Variants in IQCJ observed in about 807,000 individuals in gnomAD.
IQCJ encodes the protein IQ motif containing J.
IQCJ carries 9 observed loss-of-function variants against 11.0 expected under a neutral mutation model. The observed-to-expected ratio is 0.82, with a 90% CI of 0.49 to 1.43. The LOEUF (loss-of-function observed/expected upper bound fraction) is 1.43, where lower values mean the gene tolerates loss of function less well. Ranked by LOEUF, IQCJ falls within the 40% of genes most tolerant of loss-of-function variation. The pLI is 0.00. For missense variants in IQCJ, 146 were observed against 133.2 expected (o/e 1.10, Z -0.47); for synonymous variants, 55 against 51.3 (o/e 1.07, Z -0.31).
chr3:159,118,006 AT>A (rs1233079412), intron 1 of IQCJ, among the ~76,000 whole-genome samples: 1 of 152,236 alleles, frequency 6.6e-6, no homozygotes, highest in Admixed American at 6.5e-5. Context: ...AGTTTAAAAA[AT>A]AATTCCATAA....
chr3:159,142,190 G>A (rs1720641412), intron 1 of IQCJ, among the ~76,000 whole-genome samples: 1 of 152,134 alleles, frequency 6.6e-6, no homozygotes, highest in Non-Finnish European at 1.5e-5. Flanking sequence ...TTTTTAGTCT[G>A]CAGTCACAGT....
intron 1 of IQCJ, among the ~76,000 whole-genome samples, chr3:159,200,030 CTATA>C (rs368929112): frequency 2.5e-5 from 3 of 119,806 alleles, no homozygotes; most frequent in Non-Finnish European, 5.1e-5. Flanking sequence ...GAGTAAACGA[CTATA>C]TATATATATA....
At chr3:159,149,340 G>T (rs940526839) in intron 1 of IQCJ, among the ~76,000 whole-genome samples, 1 of 152,114 alleles carries the variant, frequency 6.6e-6, no homozygotes, top group Non-Finnish European at 1.5e-5. Flanking sequence ...CATTTGTCTG[G>T]AGCTGTTTTT....
intron 1 of IQCJ, among the ~76,000 whole-genome samples, chr3:159,167,385 G>C (rs1722232271): frequency 6.6e-6 from 1 of 152,114 alleles, no homozygotes; most frequent in Non-Finnish European, 1.5e-5. Flanking sequence ...TCTACTTTCA[G>C]TTTAGGGCTC....
chr3:159,089,826 T>C (rs893263219), intron 1 of IQCJ, among the ~76,000 whole-genome samples: 3 of 151,604 alleles, frequency 2.0e-5, no homozygotes, highest in African/African-American at 4.9e-5. Context: ...TTCTTCTAAA[T>C]TTTTTTCAAA....
chr3:159,259,230 C>G (rs530833870), intron 3 of IQCJ, among the ~76,000 whole-genome samples: 1 of 152,186 alleles, frequency 6.6e-6, no homozygotes, highest in Non-Finnish European at 1.5e-5. Flanking sequence ...TGTGCCACCC[C>G]TGCTATAAGA....
chr3:159,191,101 ACTC>A (rs952296074), intron 1 of IQCJ, among the ~76,000 whole-genome samples: 1 of 151,952 alleles, frequency 6.6e-6, no homozygotes, highest in African/African-American at 2.4e-5. Flanking sequence ...GGAAAACGCA[ACTC>A]CTCCTAGCCT....
At chr3:159,133,740 A>G (rs1333455309) in intron 1 of IQCJ, among the ~76,000 whole-genome samples, 1 of 152,178 alleles carries the variant, frequency 6.6e-6, no homozygotes, top group African/African-American at 2.4e-5. Context: ...TAATATTACA[A>G]GAGCCACCTT....
At chr3:159,083,086 C>T (rs1407445799) in intron 1 of IQCJ, among the ~76,000 whole-genome samples, 1 of 152,018 alleles carries the variant, frequency 6.6e-6, no homozygotes, top group African/African-American at 2.4e-5. Context: ...AAGCACTATT[C>T]ATAAAAGAAG....
At chr3:159,163,943 T>C (rs1261938876) in intron 1 of IQCJ, among the ~76,000 whole-genome samples, 1 of 152,184 alleles carries the variant, frequency 6.6e-6, no homozygotes, top group African/African-American at 2.4e-5. Flanking sequence ...CATAATTACA[T>C]GGTGATTAAC....
At chr3:159,221,920 A>G (rs1268090201) in intron 1 of IQCJ, among the ~76,000 whole-genome samples, 6 of 152,142 alleles carry the variant, frequency 3.9e-5, no homozygotes, top group Non-Finnish European at 8.8e-5. Flanking sequence ...GAGAAATAAA[A>G]GGTTAAAAAA....
intron 1 of IQCJ, among the ~76,000 whole-genome samples, chr3:159,135,084 C>T (rs767423355): frequency 6.6e-6 from 1 of 152,140 alleles, no homozygotes; most frequent in African/African-American, 2.4e-5. Context: ...TTATCTGAAG[C>T]CAGTTGGACT....
chr3:159,069,684 A>G, intron 1 of IQCJ: 1 of 605,040 alleles, frequency 1.7e-6, no homozygotes, highest in Non-Finnish European at 2.9e-6. Flanking sequence ...AGATTTCACT[A>G]AAGGAATCTC....
At chr3:159,200,063 A>G (rs762870642) in intron 1 of IQCJ, among the ~76,000 whole-genome samples, 1 of 118,098 alleles carries the variant, frequency 8.5e-6, no homozygotes, top group Non-Finnish European at 1.7e-5. Flanking sequence ...TAAATTATAT[A>G]TATATGTGTG....
intron 1 of IQCJ, among the ~76,000 whole-genome samples, chr3:159,196,204 A>C (rs995871051): frequency 2.0e-5 from 3 of 152,148 alleles, no homozygotes; most frequent in African/African-American, 4.8e-5. Context: ...ACAGTATTTC[A>C]CTCCAATTGC....
intron 1 of IQCJ, among the ~76,000 whole-genome samples, chr3:159,236,484 G>A (rs946271822): frequency 1.3e-5 from 2 of 152,176 alleles, no homozygotes; most frequent in Admixed American, 6.5e-5. Flanking sequence ...AATTCACACA[G>A]TTATTTCAAC....
At chr3:159,103,306 G>A (rs1718047109) in intron 1 of IQCJ, among the ~76,000 whole-genome samples, 1 of 152,130 alleles carries the variant, frequency 6.6e-6, no homozygotes, top group South Asian at 2.1e-4. Context: ...TAAAAACCTG[G>A]AGAATTACTT....
At chr3:159,250,661 T>G (rs1727542437) in intron 2 of IQCJ, among the ~76,000 whole-genome samples, 1 of 152,176 alleles carries the variant, frequency 6.6e-6, no homozygotes, top group African/African-American at 2.4e-5. Context: ...CCATCAGATC[T>G]TGTGAGAACT....
At chr3:159,090,295 C>T (rs1027958909) in intron 1 of IQCJ, among the ~76,000 whole-genome samples, 1 of 151,802 alleles carries the variant, frequency 6.6e-6, no homozygotes, top group Non-Finnish European at 1.5e-5. Context: ...TCTCAGATCT[C>T]CAGCTGCGTG....
Sources: allele counts gnomAD v4.1 joint callset (sites outside exome capture counted in the v4.1 genomes callset), GRCh38; gene constraint gnomAD v4.1.1; transcripts MANE v1.5; gene names NCBI Gene and HGNC (gene_info 2026-07-23, HGNC 2026-07-21).